The following RETSAT variants were observed in gnomAD, a reference collection of about 807,000 sequenced individuals.
RETSAT encodes the protein all-trans-retinol 13,14-reductase.
RETSAT carries 35 observed loss-of-function variants against 61.6 expected under a neutral mutation model. The observed-to-expected ratio is 0.57, with a 90% CI of 0.43 to 0.75. The LOEUF (loss-of-function observed/expected upper bound fraction) is 0.75. Ranked by LOEUF, RETSAT falls within the 30% of genes least tolerant of loss-of-function variation. RETSAT has a pLI of 0.00. For synonymous variants in RETSAT, 277 were observed against 310.4 expected, an observed-to-expected ratio of 0.89 and a Z score of 1.13; for missense variants, 670 against 759.5, an observed-to-expected ratio of 0.88 and a Z score of 1.38.
At position 85,344,046 on chromosome 2, in the gene RETSAT, C is replaced by G. The variant is rs1238191838; in HGVS notation, c.1486G>C (p.Ala496Pro). Residue 496 changes from alanine to proline, a missense_variant, in exon 9 of 11, where the codon GCC becomes CCC. Ala to Pro is a conservative substitution (Grantham distance 27, BLOSUM62 -1). Transcript: ENST00000295802. ...AGTTTCAGGACCACTGACATAGAGG[C>G]TTCCACAAAGGAGTTTTTGAAGGTC... ...YETFKNSFVE[A>P]SMSVVLKLFP... The G allele has an allele frequency of 6.2e-7, 1 of 1,614,050 alleles. No individual in the cohort carries two copies. The highest frequency in any genetic ancestry group is 1.3e-5 in the African/African-American group (1 of 74,900).
At chr2:85,353,265 C>T (rs1683344973) in intron 1 of RETSAT, among the ~76,000 whole-genome samples, 1 of 152,178 alleles carries the variant, frequency 6.6e-6, no homozygotes, top group Non-Finnish European at 1.5e-5. Context: ...AGAGCCTTGA[C>T]AACATGGTGA....
At position 85,343,741 on chromosome 2, in the gene RETSAT, G is replaced by C; in HGVS notation, c.1591C>G (p.Arg531Gly). The change falls in exon 10 of 11, where the codon CGA becomes GGA. Residue 531 changes from arginine (R) to glycine (G), a missense_variant. Coordinates refer to ENST00000295802, the MANE Select transcript of RETSAT (RefSeq NM_017750.4). ...TGGTCAGCCCCGTAGCAGGCACCTC[G>C]GGGAGCAGCCAGATAGAACTGGTTG... ...LTNQFYLAAPRGACYGADHDL... is the reference protein window; with the variant it reads ...LTNQFYLAAPGGACYGADHDL... 1.2e-6 allele frequency: 2 copies of C among 1,613,996 alleles called. No homozygotes were observed. Among genetic ancestry groups the C allele is most frequent in the East Asian group, 2.2e-5 (1 of 44,894 alleles).
chr2:85,354,296 C>T (rs749040210), intron 1 of RETSAT, 40 bp downstream of exon 1: 1 of 1,609,466 alleles, frequency 6.2e-7, no homozygotes, highest in Non-Finnish European at 8.5e-7. Context: ...TGTGAGAAAG[C>T]CTCGAGTGCA....
In RETSAT at chr2:85,354,484, G is replaced by C. The variant is rs1558686180; in HGVS notation, c.24C>G (p.Leu8=). 1 of 1,612,526 alleles carries C rather than the reference G, an allele frequency of 6.2e-7. No individual in the cohort carries two copies. Among genetic ancestry groups the C allele is most frequent in the South Asian group, 1.1e-5 (1 of 90,960 alleles). The change falls in exon 1 of 11, where the codon CTC becomes CTG. Residue 8 remains leucine (L), a synonymous_variant. Coordinates refer to ENST00000295802, the MANE Select transcript of RETSAT (RefSeq NM_017750.4). The part of the protein sequence containing the change: MWLPLVL[L]LAVLLLAVLC... ...GGACGGCCAGCAGCAGCACAGCCAG[G>C]AGCAGCACCAGCGGAAGCCACATCA...
chr2:85,344,410 T>A, intron 7 of RETSAT, 62 bp from the exon 8 acceptor site: 1 of 1,565,212 alleles, frequency 6.4e-7, no homozygotes, highest in Non-Finnish European at 8.8e-7. Flanking sequence ...CCAGAACCAC[T>A]GCAAGGACTG....
chr2:85,350,516 G>A (rs1244275101), intron 3 of RETSAT, among the ~76,000 whole-genome samples: 1 of 152,094 alleles, frequency 6.6e-6, no homozygotes, highest in East Asian at 1.9e-4. Context: ...GTGATCTGAT[G>A]TCATGGAAGC....
intron 5 of RETSAT, among the ~76,000 whole-genome samples, chr2:85,349,062 T>G (rs201563313): frequency 3.3e-5 from 5 of 151,862 alleles, no homozygotes; most frequent in Admixed American, 1.3e-4. Flanking sequence ...TTTTTGTTTT[T>G]TTTTTTTTAA....
intron 5 of RETSAT, among the ~76,000 whole-genome samples, chr2:85,347,698 C>G (rs1220684486): frequency 6.6e-6 from 1 of 152,214 alleles, no homozygotes; most frequent in Non-Finnish European, 1.5e-5. Flanking sequence ...TTACCTAGCA[C>G]TTGAAAAACA....
At chr2:85,349,029 G>A (rs1028883167) in intron 5 of RETSAT, among the ~76,000 whole-genome samples, 36 of 150,180 alleles carry the variant, frequency 2.4e-4, no homozygotes, top group Non-Finnish European at 4.6e-4. Flanking sequence ...GATTACAGAC[G>A]TGAGCCACCA....
chr2:85,349,062 T>TTTTTTTTGTTTTTG (rs1558683125), intron 5 of RETSAT, among the ~76,000 whole-genome samples: 1 of 151,862 alleles, frequency 6.6e-6, no homozygotes, highest in African/African-American at 2.4e-5. Context: ...TTTTTGTTTT[T>TTTTTTTTGTTTTTG]TTTTTTTTAA....
chr2:85,343,817 G>T lies in RETSAT; in HGVS notation c.1534-19C>A. On this transcript the variant is annotated intron_variant, in intron 9 of 10. Transcript: ENST00000295802. ...TCTCCACCTGAGGGCAGAAAGGGTGGGGCAGGCATGTGAGATCCTGGCTCC... is the reference window on the plus strand; with the variant it reads ...TCTCCACCTGAGGGCAGAAAGGGTGTGGCAGGCATGTGAGATCCTGGCTCC... 3 of 1,612,500 alleles carry T rather than the reference G, an allele frequency of 1.9e-6. No individual in the cohort carries two copies. The highest frequency in any genetic ancestry group is 2.5e-6 in the Non-Finnish European group (3 of 1,179,206).
chr2:85,345,951 G>C, intron 6 of RETSAT, 24 bp downstream of exon 6: 1 of 1,614,072 alleles, frequency 6.2e-7, no homozygotes, highest in Non-Finnish European at 8.5e-7. Flanking sequence ...CCTGCAAGAG[G>C]GGCAGTGCAG....
chr2:85,345,927 GAC>G, intron 6 of RETSAT, 46 bp downstream of exon 6: 1 of 1,613,486 alleles, frequency 6.2e-7, no homozygotes, highest in Non-Finnish European at 8.5e-7. Context: ...TCCAGAAGGG[GAC>G]ACATTGGGGA....
chr2:85,347,563 T>C (rs1367817890), intron 5 of RETSAT, among the ~76,000 whole-genome samples: 1 of 152,104 alleles, frequency 6.6e-6, no homozygotes, highest in Non-Finnish European at 1.5e-5. Context: ...AGACAGGGTT[T>C]CACTATGTTG....
At chr2:85,354,081 G>C (rs1029448965) in intron 1 of RETSAT, among the ~76,000 whole-genome samples, 7 of 152,222 alleles carry the variant, frequency 4.6e-5, no homozygotes. Context: ...GGCAGGGCGG[G>C]TGCCAACACC....
intron 5 of RETSAT, 40 bp from the exon 6 acceptor site, chr2:85,346,134 G>C (rs752411672): frequency 5.0e-6 from 8 of 1,588,282 alleles, no homozygotes; most frequent in Non-Finnish European, 6.9e-6. Flanking sequence ...TGTGAGCTCT[G>C]GGATGAAGAG....
Position 85,343,693 on chromosome 2 carries a change from A to G in RETSAT, c.1639T>C (p.Cys547Arg), listed in dbSNP as rs71337780. 17 of 1,613,996 alleles carry G rather than the reference A, an allele frequency of 1.1e-5. No homozygotes were observed. Among genetic ancestry groups the G allele is most frequent in the African/African-American group, 4.0e-5 (3 of 74,904 alleles). Residue 547 changes from cysteine to arginine, a missense_variant, in exon 10 of 11, where the codon TGT becomes CGT. Transcript: ENST00000295802. ...ADHDLGRLHPCVMASLRAQSP... is the reference protein window; with the variant it reads ...ADHDLGRLHPRVMASLRAQSP... ...TGGGCCCTCAAGGAGGCCATCACAC[A>G]AGGGTGCAGGCGGCCCAGGTCATGG...
chr2:85,344,719 T>C lies in RETSAT; in HGVS notation c.1131A>G (p.Gln377=), dbSNP rs1350097488. Residue 377 remains glutamine, a synonymous_variant, in exon 7 of 11, where the codon CAA becomes CAG. Transcript: ENST00000295802. The part of the protein sequence containing the change: ...NARCLPGVKQ[Q]LGTVRPGLGM... Reference sequence around the variant, plus strand: ...CTAAGCCGGGCCGCACCGTCCCCAGTTGCTGCTTCACACCTGCCAGGGGGA... The same window carrying C: ...CTAAGCCGGGCCGCACCGTCCCCAGCTGCTGCTTCACACCTGCCAGGGGGA... The C allele has an allele frequency of 2.5e-6, 4 of 1,614,000 alleles. No individual in the cohort carries two copies. Among genetic ancestry groups the C allele is most frequent in the African/African-American group, 1.3e-5 (1 of 74,944 alleles).
At chr2:85,353,828 G>T (rs2104443946) in intron 1 of RETSAT, among the ~76,000 whole-genome samples, 1 of 152,296 alleles carries the variant, frequency 6.6e-6, no homozygotes, top group Non-Finnish European at 1.5e-5. Flanking sequence ...CTCTGAGCCT[G>T]AGGCGCCTTG....
Sources: gnomAD v4.1 joint callset for allele counts (sites outside exome capture counted in the v4.1 genomes callset) on GRCh38, gnomAD v4.1.1 for gene constraint, MANE v1.5 for transcripts, NCBI Gene and HGNC (gene_info 2026-07-23, HGNC 2026-07-21) for gene names.